CNTN4: variants seen among roughly 807,000 people sequenced by gnomAD.
CNTN4 encodes contactin 4.
In CNTN4, 77 loss-of-function variants were observed where a neutral mutation model predicts 122.5. The ratio of observed to expected loss-of-function variants is 0.63; its 90% CI spans 0.52 to 0.76. The LOEUF (loss-of-function observed/expected upper bound fraction) is 0.76, where lower values mean the gene tolerates loss of function less well. CNTN4 is among the 30% of genes least tolerant of loss of function. The pLI, the probability that CNTN4 is intolerant of heterozygous loss-of-function variation, is 0.00. For synonymous variants in CNTN4, 512 were observed against 447.0 expected, an observed-to-expected ratio of 1.15 and a Z score of -1.83; for missense variants, 1,256 against 1,259.1, an observed-to-expected ratio of 1.00 and a Z score of 0.04.
At chr3:2,804,737 C>CTTTAGTTTTT (rs1553643947) in intron 6 of CNTN4, among the ~76,000 whole-genome samples, 1 of 144,966 alleles carries the variant, frequency 6.9e-6, no homozygotes, top group Admixed American at 6.9e-5. Flanking sequence ...ATTTTGAGCA[C>CTTTAGTTTTT]TTTTTTTTTG....
chr3:2,412,016 C>T (rs2047241587), intron 3 of CNTN4, among the ~76,000 whole-genome samples: 2 of 152,170 alleles, frequency 1.3e-5, no homozygotes, highest in Admixed American at 1.3e-4. Context: ...CTTCTGACTT[C>T]TATCACCGTA....
At chr3:2,393,611 A>G (rs1454076133) in intron 3 of CNTN4, among the ~76,000 whole-genome samples, 1 of 152,202 alleles carries the variant, frequency 6.6e-6, no homozygotes, top group Non-Finnish European at 1.5e-5. Flanking sequence ...GAGATTATAT[A>G]AAGTATAATA....
intron 7 of CNTN4, among the ~76,000 whole-genome samples, chr3:2,844,016 G>A (rs1052236947): frequency 1.3e-5 from 2 of 152,080 alleles, no homozygotes; most frequent in African/African-American, 4.8e-5. Flanking sequence ...CCGTCATTAT[G>A]TCCCCACAAC....
rs2093369230 is a variant in CNTN4 at position 2,841,947 on chromosome 3, TA to T, written c.454+22370del. Among the ~76,000 whole-genome samples, 2 of 152,204 alleles carry T rather than the reference TA, an allele frequency of 1.3e-5. No individual in the cohort carries two copies. The highest frequency in any genetic ancestry group is 4.1e-4 in the South Asian group (2 of 4,820). On this transcript the variant is annotated intron_variant, in intron 7 of 24. Transcript: ENST00000418658. This position sits in a 1 kb window ranked among gnomAD's most constrained non-coding sequence, Gnocchi z 4.8. ...TAGGTCACATTGAAATATATGATTT[TA>T]AAACAGATTGAAACCAGAAATAAAT...
At chr3:2,619,684 C>A (rs758134870) in intron 4 of CNTN4, among the ~76,000 whole-genome samples, 1 of 152,178 alleles carries the variant, frequency 6.6e-6, no homozygotes, top group African/African-American at 2.4e-5. Context: ...TTCTTTAAAT[C>A]CTTAAGGAGA....
chr3:3,022,396 C>T (rs1413236100), intron 14 of CNTN4, among the ~76,000 whole-genome samples: 3 of 152,120 alleles, frequency 2.0e-5, no homozygotes, highest in African/African-American at 7.2e-5. Context: ...GAACAAGACC[C>T]TGTCAAAAAA....
intron 3 of CNTN4, among the ~76,000 whole-genome samples, chr3:2,390,689 C>G (rs1391361064): frequency 6.6e-6 from 1 of 151,958 alleles, no homozygotes; most frequent in Non-Finnish European, 1.5e-5. Context: ...TTTTTTTCCC[C>G]ACCTAACTTC....
At chr3:2,183,300 A>G (rs2037100735) in intron 2 of CNTN4, among the ~76,000 whole-genome samples, 1 of 152,166 alleles carries the variant, frequency 6.6e-6, no homozygotes, top group Non-Finnish European at 1.5e-5. Context: ...CAACTGACAA[A>G]GCAAGGCACA....
chr3:3,011,958 C>T (rs1237694462), intron 14 of CNTN4, among the ~76,000 whole-genome samples: 1 of 152,046 alleles, frequency 6.6e-6, no homozygotes, highest in Non-Finnish European at 1.5e-5. Context: ...AACACTGAAA[C>T]CATTCATCAT....
chr3:2,191,875 C>G (rs1402282325), intron 2 of CNTN4, among the ~76,000 whole-genome samples: 3 of 151,836 alleles, frequency 2.0e-5, no homozygotes, highest in Non-Finnish European at 4.4e-5. Context: ...GCTATGCCTC[C>G]CCCCTCCCCC....
At chr3:2,214,084 AGTG>A (rs1237799947) in intron 2 of CNTN4, among the ~76,000 whole-genome samples, 1 of 152,114 alleles carries the variant, frequency 6.6e-6, no homozygotes, top group Non-Finnish European at 1.5e-5. Flanking sequence ...GCTTAACCTA[AGTG>A]GTCTCCATGA....
At chr3:2,298,923 G>T (rs959233554) in intron 2 of CNTN4, among the ~76,000 whole-genome samples, 15 of 152,150 alleles carry the variant, frequency 9.9e-5, no homozygotes, top group African/African-American at 3.4e-4. Flanking sequence ...GTATTGAAAT[G>T]ATTAGACATT....
chr3:2,295,219 T>A (rs1385689185), intron 2 of CNTN4, among the ~76,000 whole-genome samples: 1 of 140,354 alleles, frequency 7.1e-6, no homozygotes, highest in Non-Finnish European at 1.5e-5. Context: ...GGTGAAATGG[T>A]ATTTCTAGTT....
rs543260681 is a variant in CNTN4, at chr3:2,263,065, T to G, written c.-144-76113T>G. On this transcript the variant is annotated intron_variant, in intron 2 of 24. Transcript: ENST00000418658. ...CGGTGCTTAGTCAGAGGGCCATGTG[T>G]GGCTGCAAAAAAGGCTGGAAGATAC... 1.3e-3 allele frequency among the ~76,000 whole-genome samples: 194 copies of G among 152,270 alleles called. 1 individual carries two copies. Among genetic ancestry groups the G allele is most frequent in the African/African-American group, 4.6e-3 (191 of 41,564 alleles).
intron 4 of CNTN4, among the ~76,000 whole-genome samples, chr3:2,704,000 A>G (rs2086504927): frequency 6.6e-6 from 1 of 152,086 alleles, no homozygotes; most frequent in African/African-American, 2.4e-5. Context: ...TTCCAAGATT[A>G]AGTTGATCTG....
chr3:2,942,312 T>C (rs947704708), intron 13 of CNTN4, among the ~76,000 whole-genome samples: 1 of 152,252 alleles, frequency 6.6e-6, no homozygotes, highest in Middle Eastern at 3.4e-3. Flanking sequence ...ATGGCAGCAA[T>C]AAAATTAGCA....
intron 2 of CNTN4, among the ~76,000 whole-genome samples, chr3:2,127,831 A>G (rs144383470): frequency 3.9e-5 from 6 of 152,196 alleles, no homozygotes; most frequent in African/African-American, 9.6e-5. Flanking sequence ...TCATGCACCA[A>G]ATTAAAAGAT....
chr3:2,120,354 T>TATATATATATATATATAA (rs1559260530), intron 2 of CNTN4, among the ~76,000 whole-genome samples: 27 of 45,788 alleles, frequency 5.9e-4, no homozygotes, highest in African/African-American at 1.8e-3. Flanking sequence ...ATTTAGGTTA[T>TATATATATATATATATAA]ATATATATAT....
chr3:2,904,687 A>T (rs1559644402), intron 12 of CNTN4, among the ~76,000 whole-genome samples: 1 of 152,196 alleles, frequency 6.6e-6, no homozygotes, highest in Non-Finnish European at 1.5e-5. Flanking sequence ...TGGTACTTGG[A>T]ACTGAGTCTT....
Sources: gnomAD v4.1 joint callset for allele counts (sites outside exome capture counted in the v4.1 genomes callset) on GRCh38, gnomAD v4.1.1 for gene constraint, Gnocchi (gnomAD v3.1) non-coding constraint, MANE v1.5 for transcripts, NCBI Gene and HGNC (gene_info 2026-07-23, HGNC 2026-07-21) for gene names.